The following GADL1 variants were observed in gnomAD, a reference collection of about 807,000 sequenced individuals.
The protein encoded by GADL1 is GAD like acidic amino acid decarboxylase 1.
In GADL1, 71 loss-of-function variants were observed where a neutral mutation model predicts 69.5. That is an observed-to-expected ratio of 1.02 (90% CI 0.84 to 1.25). The LOEUF (loss-of-function observed/expected upper bound fraction) is 1.25, where lower values mean the gene tolerates loss of function less well. Ranked by LOEUF, GADL1 falls within the 50% of genes most tolerant of loss-of-function variation. GADL1 has a pLI of 0.00. For missense variants in GADL1, 737 were observed against 631.8 expected (o/e 1.17, Z -1.79); for synonymous variants, 254 against 214.4 (o/e 1.18, Z -1.62).
chr3:30,778,242 C>A lies in GADL1; in HGVS notation c.1329G>T (p.Trp443Cys). The change falls in exon 14 of 15, where the codon TGG becomes TGT. Residue 443 changes from tryptophan to cysteine, a missense_variant. Coordinates refer to ENST00000282538, the MANE Select transcript of GADL1 (RefSeq NM_207359.3). The part of the protein sequence containing the change: ...MEPEYANICF[W>C]YIPPSLREME... ...TCTCTCTGAGGCTCGGTGGAATGTA[C>A]CAAAAGCAAATATTGGCATATTCAG... The A allele has an allele frequency of 6.2e-7, 1 of 1,611,398 alleles. No individual in the cohort carries two copies. Among genetic ancestry groups the A allele is most frequent in the South Asian group, 1.1e-5 (1 of 90,882 alleles).
At chr3:30,775,630 G>C (rs555931112) in intron 14 of GADL1, among the ~76,000 whole-genome samples, 1 of 152,178 alleles carries the variant, frequency 6.6e-6, no homozygotes, top group Admixed American at 6.5e-5. Flanking sequence ...CAGGCAAGGG[G>C]AAACCATGGT....
chr3:30,771,043 G>A (rs930754235), intron 14 of GADL1, among the ~76,000 whole-genome samples: 8 of 152,176 alleles, frequency 5.3e-5, no homozygotes, highest in Admixed American at 6.5e-5. Flanking sequence ...TGAACTTCCC[G>A]TTAAACATGC....
chr3:30,837,700 T>A (rs1195616035), intron 9 of GADL1, among the ~76,000 whole-genome samples: 1 of 152,172 alleles, frequency 6.6e-6, no homozygotes, highest in African/African-American at 2.4e-5. Context: ...AATATTTAGG[T>A]AGAACTGCTG....
chr3:30,830,485 C>A (rs113915467), intron 11 of GADL1, among the ~76,000 whole-genome samples: 3 of 151,904 alleles, frequency 2.0e-5, no homozygotes, highest in African/African-American at 7.2e-5. Flanking sequence ...ACATGTTCTT[C>A]CCTGTCTGGT....
At chr3:30,877,290 A>G (rs1338742739) in intron 1 of GADL1, among the ~76,000 whole-genome samples, 1 of 151,926 alleles carries the variant, frequency 6.6e-6, no homozygotes, top group East Asian at 1.9e-4. Flanking sequence ...CACACATGAA[A>G]CAATAAAAGA....
At chr3:30,806,868 C>T (rs1310767736) in intron 11 of GADL1, among the ~76,000 whole-genome samples, 2 of 152,156 alleles carry the variant, frequency 1.3e-5, no homozygotes, top group African/African-American at 4.8e-5. Context: ...TCTTAAATGC[C>T]ACAATAAGAA....
Position 30,770,162 on chromosome 3 carries a change from T to C in GADL1, c.1392+8017A>G, listed in dbSNP as rs551290869. Reference sequence around the variant, plus strand: ...TCACAGTCCCCATCACTCCCTACTATGTTATGCTCAGGCTCCTCTCATTTA... The same window carrying C: ...TCACAGTCCCCATCACTCCCTACTACGTTATGCTCAGGCTCCTCTCATTTA... On this transcript the variant is annotated intron_variant, in intron 14 of 14. Transcript: ENST00000282538. 4.6e-5 allele frequency among the ~76,000 whole-genome samples: 7 copies of C among 152,292 alleles called. No individual in the cohort carries two copies. In the East Asian group the frequency reaches 1.4e-3, roughly 29 times the overall value.
At chr3:30,880,387 G>C (rs1364959745) in intron 1 of GADL1, among the ~76,000 whole-genome samples, 1 of 151,778 alleles carries the variant, frequency 6.6e-6, no homozygotes, top group Admixed American at 6.6e-5. Flanking sequence ...GCAACTGGTG[G>C]GAATTAATTG....
chr3:30,854,216 G>C (rs893039402), intron 4 of GADL1, among the ~76,000 whole-genome samples: 5 of 152,152 alleles, frequency 3.3e-5, no homozygotes, highest in Non-Finnish European at 7.4e-5. Context: ...ACACTCTCCT[G>C]AGCTTCCAAC....
At position 30,784,416 on chromosome 3, in the gene GADL1, A is replaced by G. The variant is rs567554708; in HGVS notation, c.1302+1939T>C. 3.9e-5 allele frequency among the ~76,000 whole-genome samples: 6 copies of G among 152,022 alleles called. No homozygotes were observed. The South Asian group carries it at 1.3e-3, about 32-fold the overall frequency. On this transcript the variant is annotated intron_variant, in intron 13 of 14. Transcript: ENST00000282538. ...CAGGTTGTTCTGCAGAACTTCTCGC[A>G]CTCTAAATTTGTTGTCTTTATAGTA...
intron 14 of GADL1, among the ~76,000 whole-genome samples, chr3:30,764,161 T>C (rs1182524057): frequency 8.5e-6 from 1 of 117,036 alleles, no homozygotes; most frequent in African/African-American, 3.5e-5. Flanking sequence ...GAAGTGATTT[T>C]ATACTTAAAG....
intron 1 of GADL1, among the ~76,000 whole-genome samples, chr3:30,878,282 A>T (rs1698602690): frequency 6.6e-6 from 1 of 151,934 alleles, no homozygotes; most frequent in Non-Finnish European, 1.5e-5. Context: ...CAAAGATCAC[A>T]TTCTACCATT....
In GADL1 at chr3:30,870,928, C is replaced by T. The variant is rs541854540; in HGVS notation, c.38-9163G>A. On this transcript the variant is annotated intron_variant, in intron 1 of 14. Coordinates refer to ENST00000282538, the MANE Select transcript of GADL1 (RefSeq NM_207359.3). ...AAGTTAGACAAATGTGTGGCTGGGA[C>T]ATAGGAAGATCGACATTTTGACAAA... is the stretch of plus-strand genomic sequence containing the variant. 2.5e-4 allele frequency among the ~76,000 whole-genome samples: 38 copies of T among 151,594 alleles called. 2 individuals carry two copies. The highest frequency in any genetic ancestry group is 1.5e-3 in the South Asian group (7 of 4,812).
intron 14 of GADL1, among the ~76,000 whole-genome samples, chr3:30,766,085 AATG>A (rs1466807394): frequency 3.3e-5 from 5 of 152,148 alleles, no homozygotes; most frequent in Non-Finnish European, 4.4e-5. Context: ...GTATTGGTTA[AATG>A]ATATTGGTTA....
intron 2 of GADL1, among the ~76,000 whole-genome samples, chr3:30,859,862 C>T (rs1698293141): frequency 6.6e-6 from 1 of 151,874 alleles, no homozygotes; most frequent in Admixed American, 6.6e-5. Context: ...ATCCAACTTC[C>T]CGTGGGTAGC....
intron 14 of GADL1, among the ~76,000 whole-genome samples, chr3:30,743,914 C>T (rs1251172968): frequency 6.6e-6 from 1 of 152,106 alleles, no homozygotes; most frequent in African/African-American, 2.4e-5. Flanking sequence ...CCCTTTGGTG[C>T]AAGAATAGCA....
Position 30,834,228 on chromosome 3 carries a change from A to G in GADL1, c.957T>C (p.His319=). ...GAAACTACATTTACCTGTGGATGCC[A>G]TGCAGAAGCTTGCGGTGCTTCCTCG... ...LMSRKHRKLL[H]GIHRADSVAW... Residue 319 remains histidine (H), a synonymous_variant, in exon 10 of 15, where the codon CAT becomes CAC. Transcript: ENST00000282538. 1 of 1,612,886 alleles carries G rather than the reference A, an allele frequency of 6.2e-7. No individual in the cohort carries two copies. Among genetic ancestry groups the G allele is most frequent in the Non-Finnish European group, 8.5e-7 (1 of 1,179,186 alleles).
In GADL1 at chr3:30,744,044, T is replaced by C. The variant is rs542421547; in HGVS notation, c.1393-15629A>G. 4.5e-4 allele frequency among the ~76,000 whole-genome samples: 69 copies of C among 152,306 alleles called. No individual in the cohort carries two copies. In the South Asian group the frequency reaches 6.4e-3, roughly 14 times the overall value. On this transcript the variant is annotated intron_variant, in intron 14 of 14. Transcript: ENST00000282538. ...GATCAAGAAATACACCTTTGTATTA[T>C]AAACCATTGAGATTTGGCTGGGAAA...
At chr3:30,774,312 G>A (rs959907486) in intron 14 of GADL1, among the ~76,000 whole-genome samples, 2 of 152,154 alleles carry the variant, frequency 1.3e-5, no homozygotes, top group African/African-American at 4.8e-5. Context: ...AATGTATGAG[G>A]TAAGAAGCTT....
Sources: gnomAD v4.1 joint callset for allele counts (sites outside exome capture counted in the v4.1 genomes callset) on GRCh38, gnomAD v4.1.1 for gene constraint, MANE v1.5 for transcripts, NCBI Gene and HGNC (gene_info 2026-07-23, HGNC 2026-07-21) for gene names.